The following TMEM63C variants were observed in gnomAD, a reference collection of about 807,000 sequenced individuals.
TMEM63C encodes the protein osmosensitive cation channel TMEM63C.
TMEM63C carries 32 observed loss-of-function variants against 99.2 expected under a neutral mutation model. That is an observed-to-expected ratio of 0.32 (90% CI 0.24 to 0.43). The LOEUF (loss-of-function observed/expected upper bound fraction) is 0.43, where lower values mean the gene tolerates loss of function less well. TMEM63C is among the 20% of genes least tolerant of loss of function. The pLI is 1.00. For missense variants in TMEM63C, 826 were observed against 1,053.0 expected (o/e 0.78, Z 2.98); for synonymous variants, 376 against 397.9 (o/e 0.94, Z 0.66).
At chr14:77,230,551 A>T (rs404418) in intron 6 of TMEM63C, among the ~76,000 whole-genome samples, 1 of 152,116 alleles carries the variant, frequency 6.6e-6, no homozygotes, top group Non-Finnish European at 1.5e-5. Context: ...GTGAGCGAGC[A>T]TTACACCTGA....
intron 6 of TMEM63C, among the ~76,000 whole-genome samples, chr14:77,227,913 A>G (rs996632009): frequency 6.6e-5 from 10 of 152,160 alleles, no homozygotes; most frequent in Non-Finnish European, 5.9e-5. Context: ...AGGAGGGAAA[A>G]CAGGTCAGGG....
intron 1 of TMEM63C, among the ~76,000 whole-genome samples, chr14:77,194,549 C>CTTTTTT (rs1566616307): frequency 1.6e-4 from 3 of 18,236 alleles, no homozygotes; most frequent in Non-Finnish European, 2.5e-4. Context: ...TTCTTTCTTT[C>CTTTTTT]TTTCTCTTTC....
intron 23 of TMEM63C, among the ~76,000 whole-genome samples, chr14:77,255,361 C>T (rs1193660199): frequency 1.3e-5 from 2 of 152,150 alleles, no homozygotes; most frequent in African/African-American, 2.4e-5. Flanking sequence ...AACACCCAGC[C>T]GGTATTCAAA....
chr14:77,249,138 G>A (rs543780236), intron 20 of TMEM63C, among the ~76,000 whole-genome samples, 153 bp from the exon 21 acceptor site: 17 of 152,226 alleles, frequency 1.1e-4, no homozygotes, highest in Middle Eastern at 6.8e-3. Flanking sequence ...TGCTGGCTCC[G>A]GAGGTCAGTA....
intron 5 of TMEM63C, among the ~76,000 whole-genome samples, chr14:77,220,475 T>C (rs1888670904): frequency 6.6e-6 from 1 of 152,092 alleles, no homozygotes; most frequent in Non-Finnish European, 1.5e-5. Context: ...AGTCATGTGG[T>C]AGGGATTCCC....
chr14:77,187,455 G>A (rs17750140), intron 1 of TMEM63C, among the ~76,000 whole-genome samples: 9,542 of 152,304 alleles, frequency 0.063, 383 homozygotes, highest in East Asian at 0.098. Flanking sequence ...AGGTTCCGAG[G>A]GGCTGAGCCG....
Position 77,239,583 on chromosome 14 carries a change from C to T in TMEM63C, c.807-20C>T, listed in dbSNP as rs766929982. 1.9e-6 allele frequency: 3 copies of T among 1,613,264 alleles called. No individual in the cohort carries two copies. The South Asian group carries it at 3.3e-5, about 18-fold the overall frequency. ...GGCCCCTGACCTGCAGGTCCTTCTCCTGTTGCCCACCGCTGGCAGGCGCCA... is the reference window on the plus strand; with the variant it reads ...GGCCCCTGACCTGCAGGTCCTTCTCTTGTTGCCCACCGCTGGCAGGCGCCA... On this transcript the variant is annotated intron_variant, in intron 11 of 23. Coordinates refer to ENST00000298351, the MANE Select transcript of TMEM63C (RefSeq NM_020431.4).
chr14:77,256,486 A>T (rs868522197), intron 23 of TMEM63C, 40 bp from the exon 24 acceptor site: 1 of 1,607,362 alleles, frequency 6.2e-7, no homozygotes, highest in Middle Eastern at 1.7e-4. Flanking sequence ...CTTGCCCCCA[A>T]CGTGACCTTG....
intron 23 of TMEM63C, among the ~76,000 whole-genome samples, chr14:77,254,415 T>A (rs1889428095): frequency 6.6e-6 from 1 of 152,132 alleles, no homozygotes; most frequent in African/African-American, 2.4e-5. Flanking sequence ...ACAGATTATC[T>A]CTGAGAGGGG....
At chr14:77,216,122 G>A (rs1472974049) in intron 2 of TMEM63C, among the ~76,000 whole-genome samples, 1 of 25,672 alleles carries the variant, frequency 3.9e-5, no homozygotes, top group Non-Finnish European at 9.0e-5. Context: ...GAAGGAAGGA[G>A]GGAGGGAGAG....
rs1299187218 is a variant in TMEM63C, at chr14:77,238,690, C to T, written c.652-4C>T. The T allele has an allele frequency of 6.2e-7, 1 of 1,612,010 alleles. No individual in the cohort carries two copies. The highest frequency in any genetic ancestry group is 8.5e-7 in the Non-Finnish European group (1 of 1,178,280). On this transcript the variant is annotated splice_polypyrimidine_tract_variant and splice_region_variant and intron_variant, in intron 9 of 23. Coordinates refer to ENST00000298351, the MANE Select transcript of TMEM63C (RefSeq NM_020431.4). ...CTTTCTCCATTTTTATTTTTCCCAC[C>T]CAGGTCACAAGGACACTAATGATCA...
chr14:77,248,431 G>A lies in TMEM63C; in HGVS notation c.1686G>A (p.Leu562=). 1.3e-6 allele frequency: 2 copies of A among 1,590,274 alleles called. No individual in the cohort carries two copies. Among genetic ancestry groups the A allele is most frequent in the South Asian group, 1.1e-5 (1 of 87,398 alleles). Residue 562 remains leucine, a synonymous_variant, in exon 19 of 24, where the codon CTG becomes CTA. Coordinates refer to ENST00000298351, the MANE Select transcript of TMEM63C (RefSeq NM_020431.4). Reference sequence around the variant, plus strand: ...TACTTGGCACAGGCATGGAGCTGCTGCGTCTGGGGTCACTCTTCTGCTACA... The same window carrying A: ...TACTTGGCACAGGCATGGAGCTGCTACGTCTGGGGTCACTCTTCTGCTACA... ...AALLGTGMEL[L]RLGSLFCYST...
Position 77,256,674 on chromosome 14 carries a change from C to T in TMEM63C, c.2369C>T (p.Ser790Leu), listed in dbSNP as rs185516701. 1.5e-5 allele frequency: 24 copies of T among 1,614,012 alleles called. No homozygotes were observed. In the East Asian group the frequency reaches 4.0e-4, roughly 27 times the overall value. ...AGGGGCTTTGCGAGGGAGCTAGACT[C>T]GGCCCAGTTCCAGGAAGGGCTGGAA... ...GLRGFARELDSAQFQEGLELE... is the reference protein window; with the variant it reads ...GLRGFARELDLAQFQEGLELE... The change falls in exon 24 of 24, where the codon TCG (serine) becomes TTG (leucine). Residue 790 changes from serine (S) to leucine (L), a missense_variant. Ser to Leu is a moderately radical substitution (Grantham distance 145, BLOSUM62 -2). Coordinates refer to ENST00000298351, the MANE Select transcript of TMEM63C (RefSeq NM_020431.4).
intron 8 of TMEM63C, 120 bp from the exon 9 acceptor site, chr14:77,236,493 GGTCTGAGGAGA>G: frequency 1.5e-6 from 1 of 665,802 alleles, no homozygotes; most frequent in Non-Finnish European, 2.7e-6. Flanking sequence ...TGGTTGTGGG[GGTCTGAGGAGA>G]CTGTGATGGG....
rs73309135 is a variant in TMEM63C at position 77,219,938 on chromosome 14, G to A, written c.231-68G>A. ...CAGCCCTCAGCCAGGGAGTGGGGAG[G>A]GAGCAGGGCAGGCAGCTGAGAACTT... On this transcript the variant is annotated intron_variant, in intron 4 of 23. Transcript: ENST00000298351. 5,502 of 1,447,440 alleles carry A rather than the reference G, an allele frequency of 3.8e-3. 157 individuals carry two copies. In the African/African-American group the frequency reaches 0.063, roughly 17 times the overall value. 89.7% of individuals were successfully genotyped at this position (1,447,440 alleles called of 1,614,324 possible). A position where few individuals can be genotyped will look rare whatever the true frequency, so the allele number is the denominator to read the frequency against.
intron 6 of TMEM63C, among the ~76,000 whole-genome samples, chr14:77,227,863 C>T (rs1888857545): frequency 2.0e-5 from 3 of 151,964 alleles, no homozygotes; most frequent in Admixed American, 2.0e-4. Flanking sequence ...CACCTTTTTC[C>T]AGAGGTGCAT....
chr14:77,242,495 T>G (rs1179919353), intron 14 of TMEM63C, 26 bp downstream of exon 14: 1 of 1,608,396 alleles, frequency 6.2e-7, no homozygotes, highest in Non-Finnish European at 8.5e-7. Flanking sequence ...CCCTCCCCTC[T>G]CCTCTGAGCT....
rs776863933 is a variant in TMEM63C, at chr14:77,193,192, G to A, written c.-77+11298G>A. On this transcript the variant is annotated intron_variant, in intron 1 of 23. Transcript: ENST00000298351. ...AATACGTCTGTCTTTTTTGACAACC[G>A]AATTACAAATTGAAACAAGATACCA... 4.6e-5 allele frequency among the ~76,000 whole-genome samples: 7 copies of A among 152,102 alleles called. No individual in the cohort carries two copies. In the East Asian group the frequency reaches 5.8e-4, roughly 13 times the overall value.
intron 1 of TMEM63C, among the ~76,000 whole-genome samples, chr14:77,193,187 C>T (rs958233476): frequency 2.8e-4 from 42 of 152,322 alleles, no homozygotes; most frequent in African/African-American, 9.9e-4. Context: ...TCTTTTTTGA[C>T]AACCGAATTA....
Sources: gnomAD v4.1 joint callset for allele counts (sites outside exome capture counted in the v4.1 genomes callset) on GRCh38, gnomAD v4.1.1 for gene constraint, MANE v1.5 for transcripts, NCBI Gene and HGNC (gene_info 2026-07-23, HGNC 2026-07-21) for gene names.